Variants in GRM8 observed in about 807,000 individuals in gnomAD.
GRM8 encodes metabotropic glutamate receptor 8.
A neutral mutation model predicts 87.2 loss-of-function variants in GRM8; 47 were observed. That is an observed-to-expected ratio of 0.54 (90% CI 0.43 to 0.69). GRM8 has a LOEUF of 0.69. GRM8 is among the 30% of genes least tolerant of loss of function. The pLI is 0.00. For synonymous variants in GRM8, 396 were observed against 404.5 expected (o/e 0.98, Z 0.25); for missense variants, 1,019 against 1,139.2 (o/e 0.89, Z 1.52).
intron 3 of GRM8, among the ~76,000 whole-genome samples, chr7:127,026,845 C>T (rs1327463770): frequency 6.6e-6 from 1 of 152,068 alleles, no homozygotes; most frequent in African/African-American, 2.4e-5. Flanking sequence ...TTAATTAGAT[C>T]CCATTTGTCA....
In GRM8 at chr7:126,662,932, G is replaced by A. The variant is rs150376700; in HGVS notation, c.1358-53434C>T. ...TCAATACTGGCATGAAGCCAGGCAC[G>A]AAGCTGGACAGACAGGGATATTGTA... On this transcript the variant is annotated intron_variant, in intron 7 of 10. Transcript: ENST00000339582. Among the ~76,000 whole-genome samples, 13 of 152,276 alleles carry A rather than the reference G, an allele frequency of 8.5e-5. No individual in the cohort carries two copies. In the East Asian group the frequency reaches 1.9e-3, roughly 23 times the overall value.
chr7:127,199,047 G>C (rs1341090472), intron 2 of GRM8, among the ~76,000 whole-genome samples: 2 of 152,034 alleles, frequency 1.3e-5, no homozygotes, highest in African/African-American at 2.4e-5. Context: ...CTCCATATTG[G>C]TCAGGCTGGT....
chr7:127,043,528 C>A (rs954020500), intron 3 of GRM8, among the ~76,000 whole-genome samples: 9 of 152,144 alleles, frequency 5.9e-5, no homozygotes, highest in African/African-American at 2.2e-4. Flanking sequence ...AAAAACCAAA[C>A]ACCACATGTT....
intron 3 of GRM8, among the ~76,000 whole-genome samples, chr7:127,077,208 A>G (rs11563358): frequency 0.3 from 44,949 of 152,110 alleles, 7,054 homozygotes; most frequent in Non-Finnish European, 0.36. Flanking sequence ...AGAGGTCTTC[A>G]GAGAGCCCAG....
At position 126,895,120 on chromosome 7, in the gene GRM8, G is replaced by GCA. The variant is rs1025702737; in HGVS notation, c.1156+7420_1156+7421dup. Among the ~76,000 whole-genome samples the GCA allele has an allele frequency of 4.6e-5, 7 of 151,546 alleles. No homozygotes were observed. The South Asian group carries it at 8.3e-4, about 18-fold the overall frequency. ...TCAAATTTACTAATGAGAAAAACACGCACACACACACATATATACATATTA... is the reference window on the plus strand; with the variant it reads ...TCAAATTTACTAATGAGAAAAACACGCACACACACACACATATATACATATTA... On this transcript the variant is annotated intron_variant, in intron 6 of 10. Coordinates refer to ENST00000339582, the MANE Select transcript of GRM8 (RefSeq NM_000845.3).
intron 9 of GRM8, among the ~76,000 whole-genome samples, chr7:126,450,215 T>C (rs1042427337): frequency 2.6e-5 from 4 of 151,750 alleles, no homozygotes; most frequent in Non-Finnish European, 5.9e-5. Flanking sequence ...GGTCAGTCTT[T>C]TGCTTTCAAC....
intron 9 of GRM8, among the ~76,000 whole-genome samples, chr7:126,493,845 A>G (rs1278797080): frequency 6.6e-6 from 1 of 152,014 alleles, no homozygotes; most frequent in Non-Finnish European, 1.5e-5. Context: ...GGAGTAATTT[A>G]TCTGATCAGT....
chr7:126,470,804 C>T (rs1014558414), intron 9 of GRM8, among the ~76,000 whole-genome samples: 2 of 152,290 alleles, frequency 1.3e-5, no homozygotes, highest in Middle Eastern at 3.4e-3. Context: ...TACAGTCCCA[C>T]CAACAGTGTA....
chr7:126,964,271 C>G (rs1809614923), intron 3 of GRM8, among the ~76,000 whole-genome samples: 1 of 152,126 alleles, frequency 6.6e-6, no homozygotes, highest in Non-Finnish European at 1.5e-5. Context: ...GACTTCATGA[C>G]TAAAACACCA....
intron 6 of GRM8, among the ~76,000 whole-genome samples, chr7:126,846,449 C>T (rs147009350): frequency 0.017 from 2,543 of 152,230 alleles, 27 homozygotes; most frequent in Non-Finnish European, 0.025. Flanking sequence ...GTCTAAGCAA[C>T]ATTATAGGAG....
chr7:126,500,914 A>G (rs1378114688), intron 9 of GRM8, among the ~76,000 whole-genome samples: 1 of 151,924 alleles, frequency 6.6e-6, no homozygotes, highest in African/African-American at 2.4e-5. Context: ...GCTATTTGCT[A>G]TTTGTTATGC....
At chr7:126,506,148 C>G (rs897904451) in intron 9 of GRM8, among the ~76,000 whole-genome samples, 6 of 152,022 alleles carry the variant, frequency 3.9e-5, no homozygotes, top group African/African-American at 1.4e-4. Context: ...GTTCATCTAA[C>G]ATTGTTGCAA....
Position 126,788,420 on chromosome 7 carries a change from A to ACAAAAAAAAAACAAAAAAAAAAAAAAC in GRM8, c.1157-18356_1157-18355insGTTTTTTTTTTTTTTGTTTTTTTTTTG, listed in dbSNP as rs1554492200. 3.1e-3 allele frequency among the ~76,000 whole-genome samples: 251 copies of ACAAAAAAAAAACAAAAAAAAAAAAAAC among 81,126 alleles called. 20 individuals carry two copies. Among genetic ancestry groups the ACAAAAAAAAAACAAAAAAAAAAAAAAC allele is most frequent in the African/African-American group, 0.011 (230 of 21,816 alleles). The allele number at this position is 81,126 out of a possible 152,430, so 53.2% of individuals were successfully genotyped here. A position where few individuals can be genotyped will look rare whatever the true frequency, so the allele number is the denominator to read the frequency against. The stretch of plus-strand genomic sequence containing the variant: ...GCAAGACTCCATCTCAAAAAAAAAA[A>ACAAAAAAAAAACAAAAAAAAAAAAAAC]AAACCCTTTCAGATATCTTTAACAT... On this transcript the variant is annotated intron_variant, in intron 6 of 10. Transcript: ENST00000339582.
chr7:126,519,632 A>T (rs1167098257), intron 9 of GRM8, among the ~76,000 whole-genome samples: 1 of 152,240 alleles, frequency 6.6e-6, no homozygotes, highest in East Asian at 1.9e-4. Flanking sequence ...GGACTGATTG[A>T]GTAACTATAA....
intron 9 of GRM8, among the ~76,000 whole-genome samples, chr7:126,447,783 T>G (rs183924552): frequency 4.9e-4 from 74 of 152,056 alleles, no homozygotes; most frequent in Non-Finnish European, 6.8e-4. Flanking sequence ...GAAACTGTCT[T>G]TGGATATAAA....
At chr7:127,105,972 C>T (rs1374923812) in intron 3 of GRM8, among the ~76,000 whole-genome samples, 2 of 152,098 alleles carry the variant, frequency 1.3e-5, no homozygotes, top group Non-Finnish European at 1.5e-5. Flanking sequence ...TCCTTCATCA[C>T]ACCCTAAGCT....
intron 7 of GRM8, among the ~76,000 whole-genome samples, chr7:126,615,939 C>T (rs1247678758): frequency 3.3e-5 from 5 of 152,068 alleles, no homozygotes; most frequent in African/African-American, 1.2e-4. Flanking sequence ...GACTTTAACA[C>T]CCCACTGTCA....
Position 126,533,465 on chromosome 7 carries a change from C to A in GRM8, c.1917G>T (p.Met639Ile), listed in dbSNP as rs1390888073. The A allele has an allele frequency of 9.9e-6, 16 of 1,614,052 alleles. No homozygotes were observed. The highest frequency in any genetic ancestry group is 1.3e-5 in the African/African-American group (1 of 75,000). The part of the protein sequence containing the change: ...IFLCYSITFL[M>I]IAAPDTIICS... The stretch of plus-strand genomic sequence containing the variant: ...ATATGATTGTATCTGGTGCTGCAAT[C>A]ATTAAAAACGTGATTGAATAACAGA... Residue 639 changes from methionine to isoleucine, a missense_variant, in exon 9 of 11, where the codon ATG (methionine) becomes ATT (isoleucine). By Grantham distance (10) the Met-to-Ile change is conservative (BLOSUM62 1). Transcript: ENST00000339582.
At chr7:126,841,317 C>T (rs1796250606) in intron 6 of GRM8, among the ~76,000 whole-genome samples, 2 of 152,096 alleles carry the variant, frequency 1.3e-5, no homozygotes, top group African/African-American at 2.4e-5. Flanking sequence ...GAGCTCAAGT[C>T]AGCTTTACCT....
Sources: allele counts gnomAD v4.1 joint callset (sites outside exome capture counted in the v4.1 genomes callset), GRCh38; gene constraint gnomAD v4.1.1; transcripts MANE v1.5; gene names NCBI Gene and HGNC (gene_info 2026-07-23, HGNC 2026-07-21).